SWSAP1: variants seen among roughly 807,000 people sequenced by gnomAD.
The protein encoded by SWSAP1 is SWIM-type zinc finger 7 associated protein 1.
SWSAP1 carries 4 observed loss-of-function variants against 5.6 expected under a neutral mutation model. The observed-to-expected ratio is 0.72, with a 90% confidence interval of 0.35 to 1.64. SWSAP1 has a LOEUF of 1.64. Among genes scored for constraint, SWSAP1 ranks in the 40% most tolerant of loss-of-function variants. SWSAP1 has a pLI of 0.05. For missense variants in SWSAP1, 354 were observed against 319.8 expected (o/e 1.11, Z -0.82); for synonymous variants, 139 against 143.3 (o/e 0.97, Z 0.22).
rs777632323 is a variant in SWSAP1, at chr19:11,374,946, G to C, written c.249+17G>C. On this transcript the variant is annotated intron_variant, in intron 1 of 1. Transcript: ENST00000674460. ...CGACTCCAGGTAACCGTGGGGGTGG[G>C]AGCAGAGGCGTTCTAGCCAATGGTG... The C allele has an allele frequency of 6.2e-7, 1 of 1,611,290 alleles. No individual in the cohort carries two copies. The highest frequency in any genetic ancestry group is 2.2e-5 in the East Asian group (1 of 44,896).
chr19:11,375,047 A>G, intron 1 of SWSAP1, 118 bp downstream of exon 1: 1 of 1,338,522 alleles, frequency 7.5e-7, no homozygotes, highest in Non-Finnish European at 1.0e-6. Flanking sequence ...CAGGGCAGCC[A>G]CGATGGGGCG....
At position 11,374,849 on chromosome 19, in the gene SWSAP1, C is replaced by G; in HGVS notation, c.169C>G (p.Pro57Ala). 1 of 1,614,008 alleles carries G rather than the reference C, an allele frequency of 6.2e-7. No homozygotes were observed. Among genetic ancestry groups the G allele is most frequent in the South Asian group, 1.1e-5 (1 of 91,086 alleles). The stretch of plus-strand genomic sequence containing the variant: ...AGAGGCGGCGGGGGAGGGCCAAGGC[C>G]CAGTCCTCTTCCTGACACGAAGGCC... Reference protein sequence around the residue: ...ALEAAGEGQGPVLFLTRRPLQ... With the variant: ...ALEAAGEGQGAVLFLTRRPLQ... Residue 57 changes from proline (P) to alanine (A), a missense_variant, in exon 1 of 2, where the codon CCA becomes GCA. By Grantham distance (27) the Pro-to-Ala change is conservative. Transcript: ENST00000674460.
At position 11,375,888 on chromosome 19, in the gene SWSAP1, G is replaced by A. The variant is rs1187749194; in HGVS notation, c.625G>A (p.Gly209Arg). 4.3e-6 allele frequency: 7 copies of A among 1,613,974 alleles called. No homozygotes were observed. The African/African-American group carries it at 6.7e-5, about 15-fold the overall frequency. The part of the protein sequence containing the change: ...HGLRACLEPG[G>R]LGPRTEWWVT... ...CCTCCGAGCCTGCCTGGAGCCAGGC[G>A]GGCTGGGCCCCAGAACAGAGTGGTG... Residue 209 changes from glycine (G) to arginine (R), a missense_variant, in exon 2 of 2, where the codon GGG becomes AGG. Gly to Arg is a moderately radical substitution (Grantham distance 125). Coordinates refer to ENST00000674460, the MANE Select transcript of SWSAP1 (RefSeq NM_175871.4).
chr19:11,374,858 T>G lies in SWSAP1; in HGVS notation c.178T>G (p.Phe60Val). The G allele has an allele frequency of 6.2e-7, 1 of 1,614,052 alleles. No individual in the cohort carries two copies. Among genetic ancestry groups the G allele is most frequent in the Non-Finnish European group, 8.5e-7 (1 of 1,180,044 alleles). ...AAGEGQGPVL[F>V]LTRRPLQSMP... ...GGGGGAGGGCCAAGGCCCAGTCCTC[T>G]TCCTGACACGAAGGCCTCTTCAAAG... is the stretch of plus-strand genomic sequence containing the variant. Residue 60 changes from phenylalanine to valine, a missense_variant, in exon 1 of 2, where the codon TTC becomes GTC. Transcript: ENST00000674460.
chr19:11,375,230 G>A (rs549121585), intron 1 of SWSAP1, among the ~76,000 whole-genome samples: 35 of 152,310 alleles, frequency 2.3e-4, no homozygotes, highest in African/African-American at 8.2e-4. Context: ...GTTGGTTCCT[G>A]TTAGTGTCAA....
At position 11,374,709 on chromosome 19, in the gene SWSAP1, C is replaced by G. The variant is rs1599414296; in HGVS notation, c.29C>G (p.Thr10Ser). The change falls in exon 1 of 2, where the codon ACC becomes AGC. Residue 10 changes from threonine to serine, a missense_variant. Transcript: ENST00000674460. MAETLRRVLTRGGAAWSGEE... is the reference protein window; with the variant it reads MAETLRRVLSRGGAAWSGEE... ...GCGGAGACGCTGAGGCGGGTGCTAA[C>G]CAGGGGCGGTGCGGCCTGGTCCGGG... The G allele has an allele frequency of 1.9e-6, 3 of 1,577,012 alleles. No homozygotes were observed. The highest frequency in any genetic ancestry group is 2.3e-5 in the South Asian group (2 of 88,824).
In SWSAP1 at chr19:11,375,678, C is replaced by T. The variant is rs146815699; in HGVS notation, c.415C>T (p.Leu139Phe). The change falls in exon 2 of 2, where the codon CTT (leucine) becomes TTT (phenylalanine). Residue 139 changes from leucine to phenylalanine, a missense_variant. Transcript: ENST00000674460. ...PQEAAYLIAL[L>F]LDTAAHFSHR... Reference sequence around the variant, plus strand: ...GGAAGCCGCCTACCTCATTGCCTTACTTCTAGACACAGCTGCCCACTTCAG... The same window carrying T: ...GGAAGCCGCCTACCTCATTGCCTTATTTCTAGACACAGCTGCCCACTTCAG... 10 of 1,614,242 alleles carry T rather than the reference C, an allele frequency of 6.2e-6. No homozygotes were observed. In the Admixed American group the frequency reaches 1.3e-4, roughly 22 times the overall value.
At position 11,375,868 on chromosome 19, in the gene SWSAP1, G is replaced by T. The variant is rs1287137782; in HGVS notation, c.605G>T (p.Arg202Leu). The change falls in exon 2 of 2, where the codon CGA (arginine) becomes CTA (leucine). Residue 202 changes from arginine to leucine, a missense_variant. By Grantham distance (102) the Arg-to-Leu change is moderately radical (BLOSUM62 -2). Coordinates refer to ENST00000674460, the MANE Select transcript of SWSAP1 (RefSeq NM_175871.4). ...CCAGGTCCAGGAGAGCACGGCCTCCGAGCCTGCCTGGAGCCAGGCGGGCTG... is the reference window on the plus strand; with the variant it reads ...CCAGGTCCAGGAGAGCACGGCCTCCTAGCCTGCCTGGAGCCAGGCGGGCTG... Reference protein sequence around the residue: ...DAPGPGEHGLRACLEPGGLGP... With the variant: ...DAPGPGEHGLLACLEPGGLGP... 1 of 1,614,132 alleles carries T rather than the reference G, an allele frequency of 6.2e-7. No individual in the cohort carries two copies. The highest frequency in any genetic ancestry group is 8.5e-7 in the Non-Finnish European group (1 of 1,180,010).
Position 11,375,895 on chromosome 19 carries a change from GC to G in SWSAP1, c.636del (p.Arg213GlufsTer6). On this transcript the variant is annotated frameshift_variant, in exon 2 of 2. Transcript: ENST00000674460. LOFTEE classifies it low-confidence loss of function (END_TRUNC). ...LRACLEPGGLGPRTEWWVTFR... is the reference protein window; with the variant it reads ...LRACLEPGGLXPRTEWWVTFR... Reference sequence around the variant, plus strand: ...GCCTGCCTGGAGCCAGGCGGGCTGGGCCCCAGAACAGAGTGGTGGGTGACTT... The same window carrying G: ...GCCTGCCTGGAGCCAGGCGGGCTGGGCCCAGAACAGAGTGGTGGGTGACTT... 2 of 1,614,074 alleles carry G rather than the reference GC, an allele frequency of 1.2e-6. No homozygotes were observed. Among genetic ancestry groups the G allele is most frequent in the Non-Finnish European group, 1.7e-6 (2 of 1,180,004 alleles).
chr19:11,375,867 C>CGAGCCTGCCTG lies in SWSAP1; in HGVS notation c.610_620dup (p.Gly208AlafsTer15). On this transcript the variant is annotated frameshift_variant, in exon 2 of 2. Coordinates refer to ENST00000674460, the MANE Select transcript of SWSAP1 (RefSeq NM_175871.4). LOFTEE classifies it low-confidence loss of function (END_TRUNC). ...ACCAGGTCCAGGAGAGCACGGCCTCCGAGCCTGCCTGGAGCCAGGCGGGCT... is the reference window on the plus strand; with the variant it reads ...ACCAGGTCCAGGAGAGCACGGCCTCCGAGCCTGCCTGGAGCCTGCCTGGAGCCAGGCGGGCT... 5.0e-6 allele frequency: 8 copies of CGAGCCTGCCTG among 1,614,090 alleles called. No individual in the cohort carries two copies. The highest frequency in any genetic ancestry group is 6.8e-6 in the Non-Finnish European group (8 of 1,180,004).
chr19:11,375,411 T>A, intron 1 of SWSAP1, 102 bp from the exon 2 acceptor site: 1 of 1,511,580 alleles, frequency 6.6e-7, no homozygotes, highest in Non-Finnish European at 8.8e-7. Context: ...CTGAACTGGT[T>A]CATCCTGGAA....
chr19:11,375,353 A>G (rs1210280379), intron 1 of SWSAP1, among the ~76,000 whole-genome samples, 160 bp from the exon 2 acceptor site: 1 of 152,210 alleles, frequency 6.6e-6, no homozygotes, highest in Non-Finnish European at 1.5e-5. Flanking sequence ...AATACTCGGC[A>G]GTGATGAGTG....
At position 11,375,783 on chromosome 19, in the gene SWSAP1, C is replaced by G. The variant is rs1274626736; in HGVS notation, c.520C>G (p.Leu174Val). The G allele has an allele frequency of 1.9e-6, 3 of 1,614,204 alleles. No homozygotes were observed. The Admixed American group carries it at 5.0e-5, about 27-fold the overall frequency. The change falls in exon 2 of 2, where the codon CTG becomes GTG. Residue 174 changes from leucine to valine, a missense_variant. Leu to Val is a conservative substitution (Grantham distance 32, BLOSUM62 1). Transcript: ENST00000674460. ...GGAGGAAGCAGGTAGTGGGGACGTC[C>G]TGCACCTGGCACTGCTCCAGCGGTA... ...TQEEAGSGDV[L>V]HLALLQRYFP...
At position 11,376,075 on chromosome 19, in the gene SWSAP1, C is replaced by T. The variant is rs1481884027; in HGVS notation, c.*59C>T. On this transcript the variant is annotated 3_prime_UTR_variant, in exon 2 of 2. Transcript: ENST00000674460. Reference sequence around the variant, plus strand: ...TTTCCCATGGCTGGAATACTTACCTCAGGGACATATGCAGATCCAAAGACC... The same window carrying T: ...TTTCCCATGGCTGGAATACTTACCTTAGGGACATATGCAGATCCAAAGACC... The T allele has an allele frequency of 6.9e-7, 1 of 1,440,416 alleles. No individual in the cohort carries two copies. Among genetic ancestry groups the T allele is most frequent in the African/African-American group, 1.4e-5 (1 of 70,934 alleles). 89.2% of individuals were successfully genotyped at this position (1,440,416 alleles called of 1,614,324 possible).
Position 11,375,805 on chromosome 19 carries a change from G to A in SWSAP1, c.542G>A (p.Arg181Gln), listed in dbSNP as rs762025226. 4 of 1,614,186 alleles carry A rather than the reference G, an allele frequency of 2.5e-6. No homozygotes were observed. The South Asian group carries it at 3.3e-5, about 13-fold the overall frequency. The change falls in exon 2 of 2, where the codon CGG (arginine) becomes CAG (glutamine). Residue 181 changes from arginine (R) to glutamine (Q), a missense_variant. Arg to Gln is a conservative substitution (Grantham distance 43). Coordinates refer to ENST00000674460, the MANE Select transcript of SWSAP1 (RefSeq NM_175871.4). The stretch of plus-strand genomic sequence containing the variant: ...GTCCTGCACCTGGCACTGCTCCAGC[G>A]GTATTTTCCTGCCCAGTGCTGGCTG... ...GDVLHLALLQ[R>Q]YFPAQCWLQP...
rs146815699 is a variant in SWSAP1 at position 11,375,678 on chromosome 19, C to A, written c.415C>A (p.Leu139Ile). ...GGAAGCCGCCTACCTCATTGCCTTA[C>A]TTCTAGACACAGCTGCCCACTTCAG... ...PQEAAYLIAL[L>I]LDTAAHFSHR... is the part of the protein sequence containing the mutation. The change falls in exon 2 of 2, where the codon CTT (leucine) becomes ATT (isoleucine). Residue 139 changes from leucine (L) to isoleucine (I), a missense_variant. Transcript: ENST00000674460. 6,778 of 1,614,242 alleles carry A rather than the reference C, an allele frequency of 4.2e-3. 22 individuals are homozygous for A. Among genetic ancestry groups the A allele is most frequent in the Non-Finnish European group, 5.4e-3 (6,382 of 1,180,044 alleles).
Position 11,375,957 on chromosome 19 carries a change from C to G in SWSAP1, c.694C>G (p.Pro232Ala). Reference protein sequence around the residue: ...SDGEMMIAPWPTQAGDPSSGK... With the variant: ...SDGEMMIAPWATQAGDPSSGK... The stretch of plus-strand genomic sequence containing the variant: ...TGGAGAAATGATGATCGCTCCGTGG[C>G]CCACCCAGGCTGGTGACCCCAGCTC... Residue 232 changes from proline (P) to alanine (A), a missense_variant, in exon 2 of 2, where the codon CCC becomes GCC. Physicochemically the swap from Pro to Ala is conservative, Grantham distance 27 (BLOSUM62 -1). Coordinates refer to ENST00000674460, the MANE Select transcript of SWSAP1 (RefSeq NM_175871.4). The G allele has an allele frequency of 6.2e-7, 1 of 1,612,790 alleles. No individual in the cohort carries two copies. The highest frequency in any genetic ancestry group is 8.5e-7 in the Non-Finnish European group (1 of 1,179,710).
At position 11,376,079 on chromosome 19, in the gene SWSAP1, G is replaced by T. The variant is rs1265510745; in HGVS notation, c.*63G>T. The stretch of plus-strand genomic sequence containing the variant: ...CCATGGCTGGAATACTTACCTCAGG[G>T]ACATATGCAGATCCAAAGACCTAAA... On this transcript the variant is annotated 3_prime_UTR_variant, in exon 2 of 2. Transcript: ENST00000674460. 7.2e-7 allele frequency: 1 copy of T among 1,397,198 alleles called. No individual in the cohort carries two copies. The highest frequency in any genetic ancestry group is 9.6e-7 in the Non-Finnish European group (1 of 1,044,164). The allele number at this position is 1,397,198 out of a possible 1,614,324, so 86.6% of individuals were successfully genotyped here.
chr19:11,375,575 T>C lies in SWSAP1; in HGVS notation c.312T>C (p.His104=). ...TTTTCCGGCTCCTGTGCTCTGCCCATGAGGCCCCGGGGCCAGCCCCCTCCC... is the reference window on the plus strand; with the variant it reads ...TTTTCCGGCTCCTGTGCTCTGCCCACGAGGCCCCGGGGCCAGCCCCCTCCC... ...RELFRLLCSA[H]EAPGPAPSLL... Residue 104 remains histidine, a synonymous_variant, in exon 2 of 2, where the codon CAT becomes CAC. Coordinates refer to ENST00000674460, the MANE Select transcript of SWSAP1 (RefSeq NM_175871.4). 6.2e-7 allele frequency: 1 copy of C among 1,614,094 alleles called. No homozygotes were observed. The highest frequency in any genetic ancestry group is 1.1e-5 in the South Asian group (1 of 91,082).
Sources: allele counts gnomAD v4.1 joint callset (sites outside exome capture counted in the v4.1 genomes callset), GRCh38; gene constraint gnomAD v4.1.1; transcripts MANE v1.5; gene names NCBI Gene and HGNC (gene_info 2026-07-23, HGNC 2026-07-21).